The following GRID2 variants were observed in gnomAD, a reference collection of about 807,000 sequenced individuals.
GRID2 encodes glutamate ionotropic receptor delta type subunit 2.
In GRID2, 33 loss-of-function variants were observed where a neutral mutation model predicts 114.8. The ratio of observed to expected loss-of-function variants is 0.29; its 90% confidence interval spans 0.22 to 0.38. The LOEUF (loss-of-function observed/expected upper bound fraction) is 0.38, where lower values mean the gene tolerates loss of function less well. GRID2 is among the 10% of genes least tolerant of loss of function. The pLI is 1.00. For missense variants in GRID2, 1,184 were observed against 1,257.7 expected, an observed-to-expected ratio of 0.94 and a Z score of 0.89; for synonymous variants, 505 against 449.9, an observed-to-expected ratio of 1.12 and a Z score of -1.55.
At chr4:93,416,673 T>C (rs1213982876) in intron 9 of GRID2, among the ~76,000 whole-genome samples, 1 of 152,092 alleles carries the variant, frequency 6.6e-6, no homozygotes, top group Non-Finnish European at 1.5e-5. Flanking sequence ...GTTATTAACA[T>C]ATAGGAATTA....
intron 2 of GRID2, among the ~76,000 whole-genome samples, chr4:92,823,417 T>C (rs1425553922): frequency 6.6e-6 from 1 of 152,162 alleles, no homozygotes; most frequent in Non-Finnish European, 1.5e-5. Context: ...AGGACATTAA[T>C]AACTTATTGA....
intron 1 of GRID2, among the ~76,000 whole-genome samples, chr4:92,479,941 TAA>T (rs1354134492): frequency 6.6e-6 from 1 of 152,136 alleles, no homozygotes; most frequent in Non-Finnish European, 1.5e-5. Flanking sequence ...TTTCATAAAT[TAA>T]GTTTTAGCGT....
At chr4:92,375,698 C>T (rs1471702258) in intron 1 of GRID2, among the ~76,000 whole-genome samples, 7 of 152,100 alleles carry the variant, frequency 4.6e-5, no homozygotes, top group African/African-American at 1.7e-4. Context: ...AATAAATATT[C>T]AATCTTCTCT....
At chr4:92,685,581 T>A (rs1733859091) in intron 2 of GRID2, among the ~76,000 whole-genome samples, 1 of 152,106 alleles carries the variant, frequency 6.6e-6, no homozygotes, top group South Asian at 2.1e-4. Context: ...ACTTTCATAG[T>A]AATGAATTTT....
intron 2 of GRID2, among the ~76,000 whole-genome samples, chr4:92,829,572 A>G (rs190258753): frequency 6.6e-6 from 1 of 152,270 alleles, no homozygotes; most frequent in East Asian, 1.9e-4. Context: ...TGACCCAGCA[A>G]TCCCATTATT....
intron 4 of GRID2, among the ~76,000 whole-genome samples, chr4:93,148,961 A>G (rs1201378245): frequency 6.6e-6 from 1 of 152,192 alleles, no homozygotes; most frequent in African/African-American, 2.4e-5. Context: ...TTTGGTTCCC[A>G]TATCTTTTGC....
intron 2 of GRID2, among the ~76,000 whole-genome samples, chr4:92,851,850 G>A (rs940807207): frequency 6.6e-6 from 1 of 151,794 alleles, no homozygotes; most frequent in African/African-American, 2.4e-5. Flanking sequence ...ACTTTGTAAC[G>A]GTCATTCACA....
chr4:93,295,542 G>T (rs960395149), intron 8 of GRID2, among the ~76,000 whole-genome samples: 1 of 152,126 alleles, frequency 6.6e-6, no homozygotes, highest in African/African-American at 2.4e-5. Context: ...AATTTTTGGG[G>T]ATGAGTGAAG....
chr4:93,355,474 G>A (rs1761242804), intron 8 of GRID2, among the ~76,000 whole-genome samples: 1 of 152,074 alleles, frequency 6.6e-6, no homozygotes, highest in Non-Finnish European at 1.5e-5. Flanking sequence ...TGAAGAATTT[G>A]CAGAGGCCAT....
intron 2 of GRID2, among the ~76,000 whole-genome samples, chr4:92,731,692 T>C (rs1560559618): frequency 6.6e-6 from 1 of 151,946 alleles, no homozygotes; most frequent in East Asian, 1.9e-4. Context: ...ATTTATTAAT[T>C]AAATTGAGTA....
At chr4:92,743,167 T>C (rs905680174) in intron 2 of GRID2, among the ~76,000 whole-genome samples, 1 of 152,012 alleles carries the variant, frequency 6.6e-6, no homozygotes, top group Non-Finnish European at 1.5e-5. Context: ...GTCCCAGCTG[T>C]TAGGGAATTT....
intron 10 of GRID2, among the ~76,000 whole-genome samples, chr4:93,429,042 C>A (rs1264783994): frequency 6.6e-6 from 1 of 152,170 alleles, no homozygotes; most frequent in African/African-American, 2.4e-5. Flanking sequence ...TTGATCAGAC[C>A]TGGAATTGCC....
At chr4:92,950,188 A>C (rs1316798940) in intron 2 of GRID2, among the ~76,000 whole-genome samples, 1 of 152,122 alleles carries the variant, frequency 6.6e-6, no homozygotes, top group Non-Finnish European at 1.5e-5. Flanking sequence ...TTTTCTAAAA[A>C]AGCAAAAAGT....
chr4:92,581,194 C>T (rs1179975731), intron 1 of GRID2, among the ~76,000 whole-genome samples: 1 of 150,124 alleles, frequency 6.7e-6, no homozygotes, highest in Non-Finnish European at 1.5e-5. Context: ...CCAGTCCCCC[C>T]ACCCTTTTTT....
chr4:92,544,975 C>T (rs1426982540), intron 1 of GRID2, among the ~76,000 whole-genome samples: 1 of 151,804 alleles, frequency 6.6e-6, no homozygotes, highest in Non-Finnish European at 1.5e-5. Flanking sequence ...TTTTATGGCA[C>T]CCGAGAAATA....
chr4:93,236,987 G>C (rs375431448), intron 7 of GRID2, among the ~76,000 whole-genome samples: 157 of 152,048 alleles, frequency 1.0e-3, no homozygotes, highest in African/African-American at 3.4e-3. Context: ...TCAATATTCT[G>C]TACATGTATT....
At chr4:92,650,323 T>C (rs1015464752) in intron 2 of GRID2, among the ~76,000 whole-genome samples, 11 of 152,036 alleles carry the variant, frequency 7.2e-5, no homozygotes, top group Non-Finnish European at 1.3e-4. Flanking sequence ...CATGGTTCTT[T>C]ATTTGGTAGG....
At chr4:92,806,356 T>G (rs1740417153) in intron 2 of GRID2, among the ~76,000 whole-genome samples, 1 of 151,936 alleles carries the variant, frequency 6.6e-6, no homozygotes, top group Non-Finnish European at 1.5e-5. Flanking sequence ...TTGTTCTTGT[T>G]ATCTATATTA....
rs570826787 is a variant in GRID2 at position 93,530,373 on chromosome 4, G to A, written c.2193+14962G>A. 3.2e-4 allele frequency among the ~76,000 whole-genome samples: 48 copies of A among 152,116 alleles called. 1 individual carries two copies. Among genetic ancestry groups the A allele is most frequent in the Non-Finnish European group, 4.7e-4 (32 of 67,970 alleles). ...TTTACTCATTCATTACTTAAATAAC[G>A]CCTATTCTGTATTGATTTGGGTATC... On this transcript the variant is annotated intron_variant, in intron 13 of 15. Transcript: ENST00000282020.
Sources: allele counts gnomAD v4.1 joint callset (sites outside exome capture counted in the v4.1 genomes callset), GRCh38; gene constraint gnomAD v4.1.1; transcripts MANE v1.5; gene names NCBI Gene and HGNC (gene_info 2026-07-23, HGNC 2026-07-21).